Variants in LRRTM3 observed in about 807,000 individuals in gnomAD.
LRRTM3 encodes leucine-rich repeat transmembrane neuronal protein 3.
Under a neutral mutation model 44.7 loss-of-function variants are expected in LRRTM3, and 24 were observed. That is an observed-to-expected ratio of 0.54 (90% CI 0.39 to 0.76). The LOEUF is 0.76. LRRTM3 is among the 30% of genes least tolerant of loss of function. The probability of loss-of-function intolerance (pLI) is 0.00; values close to 1 mark genes in which losing one functional copy is unlikely to be tolerated. For synonymous variants in LRRTM3, 277 were observed against 278.7 expected, an observed-to-expected ratio of 0.99 and a Z score of 0.06; for missense variants, 587 against 702.2, an observed-to-expected ratio of 0.84 and a Z score of 1.85.
At chr10:67,023,590 A>G (rs1184043471) in intron 2 of LRRTM3, among the ~76,000 whole-genome samples, 1 of 152,176 alleles carries the variant, frequency 6.6e-6, no homozygotes, top group Non-Finnish European at 1.5e-5. Flanking sequence ...AGACAAGGTG[A>G]TGATCCTCAG....
chr10:67,066,060 G>A (rs965133720), intron 2 of LRRTM3, among the ~76,000 whole-genome samples: 4 of 152,038 alleles, frequency 2.6e-5, no homozygotes, highest in Non-Finnish European at 5.9e-5. Context: ...AGGTTATTTA[G>A]GGTCTGTGTG....
At chr10:67,019,495 G>A (rs1446978257) in intron 2 of LRRTM3, among the ~76,000 whole-genome samples, 3 of 152,204 alleles carry the variant, frequency 2.0e-5, no homozygotes, top group African/African-American at 7.2e-5. Context: ...TAGGATTACA[G>A]GCATGAGCCA....
chr10:67,018,687 C>T (rs972910750), intron 2 of LRRTM3, among the ~76,000 whole-genome samples: 5 of 152,206 alleles, frequency 3.3e-5, no homozygotes, highest in African/African-American at 1.2e-4. Flanking sequence ...GCCACTTAAC[C>T]TCTCTGTGCC....
At chr10:67,037,377 A>G (rs1197383776) in intron 2 of LRRTM3, among the ~76,000 whole-genome samples, 1 of 128,938 alleles carries the variant, frequency 7.8e-6, no homozygotes, top group Admixed American at 7.8e-5. Context: ...CTAAAAAAAA[A>G]AAAGAAAAAA....
intron 2 of LRRTM3, among the ~76,000 whole-genome samples, chr10:67,000,445 C>A (rs1390589716): frequency 6.6e-6 from 1 of 152,124 alleles, no homozygotes; most frequent in Non-Finnish European, 1.5e-5. Context: ...TTGACTGCTA[C>A]CTAGTTAGTT....
chr10:66,957,208 C>T (rs536915766), intron 2 of LRRTM3, among the ~76,000 whole-genome samples: 53 of 152,056 alleles, frequency 3.5e-4, no homozygotes, highest in African/African-American at 1.2e-3. Flanking sequence ...ATATCTCCCA[C>T]AGTCTGGCTT....
chr10:66,964,849 G>A (rs147613514), intron 2 of LRRTM3, among the ~76,000 whole-genome samples: 3 of 152,228 alleles, frequency 2.0e-5, no homozygotes, highest in Non-Finnish European at 2.9e-5. Context: ...ATCGCTCACA[G>A]AAAAGTCAAG....
intron 2 of LRRTM3, among the ~76,000 whole-genome samples, chr10:67,092,940 G>A (rs942886991): frequency 3.9e-5 from 6 of 151,936 alleles, no homozygotes; most frequent in South Asian, 2.1e-4. Flanking sequence ...AGCATATAAC[G>A]ATTTTCTTAG....
chr10:67,075,170 G>GCACACACACACACA (rs57260841), intron 2 of LRRTM3, among the ~76,000 whole-genome samples: 11,429 of 149,608 alleles, frequency 0.076, 478 homozygotes, highest in African/African-American at 0.12. Context: ...AAGGATTTCT[G>GCACACACACACACA]CACACACACA....
chr10:67,028,161 T>C (rs1236250385), intron 2 of LRRTM3, among the ~76,000 whole-genome samples: 1 of 152,214 alleles, frequency 6.6e-6, no homozygotes, highest in African/African-American at 2.4e-5. Flanking sequence ...GACAACTTTA[T>C]ATGGAGCCCA....
At chr10:67,067,097 AT>A (rs1856137106) in intron 2 of LRRTM3, among the ~76,000 whole-genome samples, 1 of 152,150 alleles carries the variant, frequency 6.6e-6, no homozygotes, top group Non-Finnish European at 1.5e-5. Context: ...ATCTGGATAT[AT>A]TTTTCCCAGA....
chr10:67,037,990 G>GA (rs1310966997), intron 2 of LRRTM3, among the ~76,000 whole-genome samples: 1 of 151,928 alleles, frequency 6.6e-6, no homozygotes, highest in Admixed American at 6.6e-5. Context: ...TGAATAAACA[G>GA]AAAAAAATTC....
intron 2 of LRRTM3, among the ~76,000 whole-genome samples, chr10:66,980,131 C>T (rs1022798586): frequency 2.0e-5 from 3 of 152,162 alleles, no homozygotes; most frequent in Non-Finnish European, 2.9e-5. Flanking sequence ...GTTTCTATTT[C>T]ATTTCTGAGC....
chr10:67,012,079 C>G (rs1001828592), intron 2 of LRRTM3, among the ~76,000 whole-genome samples: 1 of 152,142 alleles, frequency 6.6e-6, no homozygotes, highest in African/African-American at 2.4e-5. Context: ...TCACAAGCTC[C>G]GTAGATACAA....
chr10:67,033,674 A>C (rs1377996605), intron 2 of LRRTM3, among the ~76,000 whole-genome samples: 1 of 152,230 alleles, frequency 6.6e-6, no homozygotes, highest in African/African-American at 2.4e-5. Context: ...TAAAGAGAAG[A>C]ATACTGAGGT....
At chr10:67,021,090 G>C (rs1307571119) in intron 2 of LRRTM3, among the ~76,000 whole-genome samples, 1 of 152,068 alleles carries the variant, frequency 6.6e-6, no homozygotes, top group African/African-American at 2.4e-5. Context: ...TATACATTTT[G>C]TAACTATTAC....
At chr10:67,080,557 T>C (rs2131877793) in intron 2 of LRRTM3, among the ~76,000 whole-genome samples, 1 of 152,338 alleles carries the variant, frequency 6.6e-6, no homozygotes, top group East Asian at 1.9e-4. Context: ...TGCTTAAGCT[T>C]GCTTATTGGA....
intron 2 of LRRTM3, among the ~76,000 whole-genome samples, chr10:66,954,063 A>G (rs890816356): frequency 1.3e-5 from 2 of 152,234 alleles, no homozygotes; most frequent in African/African-American, 2.4e-5. Flanking sequence ...TATGTACATC[A>G]TAATTCCTAA....
chr10:66,929,962 G>T (rs1190670613), intron 2 of LRRTM3, among the ~76,000 whole-genome samples: 2 of 152,092 alleles, frequency 1.3e-5, no homozygotes, highest in African/African-American at 4.8e-5. Context: ...CATTTAATTT[G>T]GCTTGCCAAC....
Sources: gnomAD v4.1 joint callset for allele counts (sites outside exome capture counted in the v4.1 genomes callset) on GRCh38, gnomAD v4.1.1 for gene constraint, MANE v1.5 for transcripts, NCBI Gene and HGNC (gene_info 2026-07-23, HGNC 2026-07-21) for gene names.